The following GRID2 variants were observed in gnomAD, a reference collection of about 807,000 sequenced individuals.
The protein encoded by GRID2 is glutamate ionotropic receptor delta type subunit 2, also known as glutamate receptor ionotropic, delta-2.
A neutral mutation model predicts 114.8 loss-of-function variants in GRID2; 33 were observed. The observed-to-expected ratio is 0.29, with a 90% CI of 0.22 to 0.38. GRID2 has a LOEUF of 0.38. GRID2 is among the 10% of genes least tolerant of loss of function. GRID2 has a pLI of 1.00. For missense variants in GRID2, 1,184 were observed against 1,257.7 expected, an observed-to-expected ratio of 0.94 and a Z score of 0.89; for synonymous variants, 505 against 449.9, an observed-to-expected ratio of 1.12 and a Z score of -1.55.
At chr4:92,732,607 A>T (rs1453153322) in intron 2 of GRID2, among the ~76,000 whole-genome samples, 1 of 152,004 alleles carries the variant, frequency 6.6e-6, no homozygotes, top group African/African-American at 2.4e-5. Context: ...TCCAGCCATT[A>T]TTACAGAGTT....
intron 14 of GRID2, among the ~76,000 whole-genome samples, chr4:93,670,748 T>C (rs1724338885): frequency 6.6e-6 from 1 of 152,208 alleles, no homozygotes; most frequent in South Asian, 2.1e-4. Context: ...TCTTTGTTAG[T>C]GACATGGTTG....
At chr4:93,443,623 G>A (rs564145982) in intron 10 of GRID2, among the ~76,000 whole-genome samples, 7 of 152,022 alleles carry the variant, frequency 4.6e-5, no homozygotes, top group African/African-American at 1.7e-4. Flanking sequence ...GGAAAGTGGT[G>A]ATACATCATG....
intron 2 of GRID2, among the ~76,000 whole-genome samples, chr4:92,667,650 G>C (rs1732853995): frequency 6.6e-6 from 1 of 151,232 alleles, no homozygotes; most frequent in African/African-American, 2.4e-5. Flanking sequence ...AGTTTTGTTA[G>C]CTGGACAGTC....
chr4:92,718,668 C>T (rs938254840), intron 2 of GRID2, among the ~76,000 whole-genome samples: 24 of 139,120 alleles, frequency 1.7e-4, no homozygotes, highest in African/African-American at 6.5e-4. Context: ...GAGGCTCAGG[C>T]AGGAAGATTG....
chr4:93,061,197 T>TTTTG, intron 2 of GRID2, among the ~76,000 whole-genome samples: 1 of 70,186 alleles, frequency 1.4e-5, no homozygotes, highest in East Asian at 6.2e-4. Context: ...GTTTTTCTTG[T>TTTTG]TTTTTTTTTT....
chr4:93,344,419 TTTCCC>T (rs1239214209), intron 8 of GRID2, among the ~76,000 whole-genome samples: 72 of 151,904 alleles, frequency 4.7e-4, no homozygotes, highest in African/African-American at 1.7e-3. Flanking sequence ...CTTTTTCTTT[TTTCCC>T]CCCTCAGCTT....
At chr4:92,544,930 C>T (rs1726167789) in intron 1 of GRID2, among the ~76,000 whole-genome samples, 2 of 151,926 alleles carry the variant, frequency 1.3e-5, no homozygotes, top group Non-Finnish European at 2.9e-5. Context: ...GTAATGAGCC[C>T]AGAAATTATG....
chr4:92,314,221 T>G (rs1725851181), intron 1 of GRID2, among the ~76,000 whole-genome samples: 2 of 152,264 alleles, frequency 1.3e-5, no homozygotes, highest in Non-Finnish European at 2.9e-5. Flanking sequence ...CATTCAAATT[T>G]CATAGAAATT....
intron 1 of GRID2, among the ~76,000 whole-genome samples, chr4:93,789,729 G>A (rs935443684): frequency 1.3e-5 from 2 of 152,090 alleles, no homozygotes; most frequent in African/African-American, 4.8e-5. Context: ...TAGTTTCGGA[G>A]GCTAGTTGTT....
chr4:92,942,930 G>A (rs969058432), intron 2 of GRID2, among the ~76,000 whole-genome samples: 5 of 152,160 alleles, frequency 3.3e-5, no homozygotes, highest in African/African-American at 7.2e-5. Context: ...AGTTTCTGCC[G>A]AGAGATCTGC....
chr4:92,699,298 G>A (rs965784321), intron 2 of GRID2, among the ~76,000 whole-genome samples: 28 of 152,212 alleles, frequency 1.8e-4, no homozygotes, highest in African/African-American at 6.3e-4. Flanking sequence ...ATGCTATAAT[G>A]ATATTAATTT....
At chr4:92,313,425 C>T (rs575909040) in intron 1 of GRID2, among the ~76,000 whole-genome samples, 16 of 151,846 alleles carry the variant, frequency 1.1e-4, no homozygotes, top group African/African-American at 3.6e-4. Flanking sequence ...CCTAAAGAAA[C>T]TTACTTATGT....
chr4:92,955,644 G>T (rs1184912218), intron 2 of GRID2, among the ~76,000 whole-genome samples: 2 of 151,940 alleles, frequency 1.3e-5, no homozygotes, highest in Admixed American at 6.6e-5. Flanking sequence ...GTCAATTTTG[G>T]CTTTTGTTGC....
intron 14 of GRID2, among the ~76,000 whole-genome samples, chr4:93,763,793 C>A (rs1317778719): frequency 6.6e-6 from 1 of 152,124 alleles, no homozygotes; most frequent in Non-Finnish European, 1.5e-5. Flanking sequence ...GACGGGGAAG[C>A]AATAATGTCT....
At chr4:92,770,196 C>T (rs1193298123) in intron 2 of GRID2, among the ~76,000 whole-genome samples, 1 of 152,198 alleles carries the variant, frequency 6.6e-6, no homozygotes, top group Non-Finnish European at 1.5e-5. Context: ...AAAATGCCAC[C>T]AGTCTCTTTG....
intron 1 of GRID2, among the ~76,000 whole-genome samples, chr4:92,586,428 A>G (rs1728453834): frequency 6.6e-6 from 1 of 151,760 alleles, no homozygotes; most frequent in Non-Finnish European, 1.5e-5. Context: ...TATATCTATT[A>G]GGTTAAAAGA....
rs890657473 is a variant in GRID2, at chr4:93,357,868, C to T, written c.1246-37739C>T. On this transcript the variant is annotated intron_variant, in intron 8 of 15. Transcript: ENST00000282020. ...ATAAAAATTTCATTTTGTGTTTGTG[C>T]TATATATATTTTGTTTTATTGACCT... Among the ~76,000 whole-genome samples, 78 of 151,578 alleles carry T rather than the reference C, an allele frequency of 5.1e-4. 1 individual carries two copies. Among genetic ancestry groups the T allele is most frequent in the African/African-American group, 1.8e-3 (73 of 41,468 alleles).
At chr4:92,707,679 G>A (rs1045663358) in intron 2 of GRID2, among the ~76,000 whole-genome samples, 3 of 152,320 alleles carry the variant, frequency 2.0e-5, no homozygotes, top group Admixed American at 1.3e-4. Flanking sequence ...TATGGCGTAT[G>A]TTGTAGAGTG....
intron 2 of GRID2, among the ~76,000 whole-genome samples, chr4:92,652,065 C>G (rs941425986): frequency 6.6e-6 from 1 of 152,058 alleles, no homozygotes. Context: ...CAATCACATA[C>G]GTACCATTTC....
Sources: gnomAD v4.1 joint callset for allele counts (sites outside exome capture counted in the v4.1 genomes callset) on GRCh38, gnomAD v4.1.1 for gene constraint, MANE v1.5 for transcripts, NCBI Gene and HGNC (gene_info 2026-07-23, HGNC 2026-07-21) for gene names.